RHBDD1: variants seen among roughly 807,000 people sequenced by gnomAD.
The protein encoded by RHBDD1 is rhomboid domain containing 1, also known as rhomboid-related protein 4.
In RHBDD1, 38 loss-of-function variants were observed where a neutral mutation model predicts 36.3. That is an observed-to-expected ratio of 1.05 (90% confidence interval 0.81 to 1.37). The LOEUF is 1.37. Ranked by LOEUF, RHBDD1 falls within the 40% of genes most tolerant of loss-of-function variation. The pLI is 0.00. For synonymous variants in RHBDD1, 151 were observed against 136.5 expected, an observed-to-expected ratio of 1.11 and a Z score of -0.74; for missense variants, 393 against 377.6, an observed-to-expected ratio of 1.04 and a Z score of -0.34.
intron 3 of RHBDD1, among the ~76,000 whole-genome samples, chr2:226,854,615 A>AG (rs1349710735): frequency 3.3e-5 from 5 of 151,764 alleles, no homozygotes; most frequent in South Asian, 2.1e-4. Context: ...AAAAAAAAAA[A>AG]AAAAGGCGCT....
chr2:226,864,893 G>T lies in RHBDD1; in HGVS notation c.200G>T (p.Arg67Leu). 6.2e-7 allele frequency: 1 copy of T among 1,614,158 alleles called. No individual in the cohort carries two copies. Among genetic ancestry groups the T allele is most frequent in the Non-Finnish European group, 8.5e-7 (1 of 1,180,030 alleles). The stretch of plus-strand genomic sequence containing the variant: ...TGTTACCAGCAAAAAGACTGGCAGC[G>T]TTTACTGCTCTCTCCCCTTCACCAT... ...EKCYQQKDWQ[R>L]LLLSPLHHAD... The change falls in exon 4 of 9, where the codon CGT (arginine) becomes CTT (leucine). Residue 67 changes from arginine to leucine, a missense_variant. Transcript: ENST00000392062.
intron 5 of RHBDD1, among the ~76,000 whole-genome samples, chr2:226,873,710 G>C (rs540958122): frequency 9.9e-5 from 15 of 152,260 alleles, no homozygotes; most frequent in Middle Eastern, 6.8e-3. Context: ...AATAGAAATT[G>C]GTAGTCAGAG....
At chr2:226,918,274 G>C (rs1414168338) in intron 8 of RHBDD1, among the ~76,000 whole-genome samples, 1 of 151,688 alleles carries the variant, frequency 6.6e-6, no homozygotes, top group African/African-American at 2.4e-5. Flanking sequence ...ATACATCAGG[G>C]TAAATGGAGT....
intron 8 of RHBDD1, among the ~76,000 whole-genome samples, chr2:226,960,344 T>C (rs538430065): frequency 8.5e-5 from 13 of 152,364 alleles, no homozygotes; most frequent in African/African-American, 3.1e-4. Flanking sequence ...CATCTTTTCT[T>C]GTGTTGATAA....
At chr2:226,800,615 G>T in the RHBDD1 span, among the ~76,000 whole-genome samples, 5 of 152,226 alleles carry the variant, frequency 3.3e-5, no homozygotes, top group African/African-American at 9.7e-5. Flanking sequence ...AAGGCTGAGG[G>T]CATGGGGGAG....
chr2:226,989,922 T>C (rs1008440148), intron 8 of RHBDD1, among the ~76,000 whole-genome samples: 4 of 152,206 alleles, frequency 2.6e-5, no homozygotes, highest in African/African-American at 9.7e-5. Flanking sequence ...ATTCCAGATA[T>C]TATTTCAGCA....
At chr2:226,841,218 G>A (rs990826869) in intron 3 of RHBDD1, among the ~76,000 whole-genome samples, 1 of 151,950 alleles carries the variant, frequency 6.6e-6, no homozygotes, top group African/African-American at 2.4e-5. Context: ...CTGCAGCCGG[G>A]ACCTCCTGGG....
At position 226,997,256 on chromosome 2, in the gene RHBDD1, A is replaced by C. The variant is rs1959611655; in HGVS notation, c.*1734A>C. On this transcript the variant is annotated 3_prime_UTR_variant, in exon 9 of 9. Coordinates refer to ENST00000392062, the MANE Select transcript of RHBDD1 (RefSeq NM_001167608.3). ...GAGTCTAGAAGCTTTAAATGTGTTT[A>C]AATTAAAATATTCAAGCTAAATGTT... 1 of 152,232 alleles carries C rather than the reference A, an allele frequency of 6.6e-6. No individual in the cohort carries two copies. The highest frequency in any genetic ancestry group is 2.4e-5 in the African/African-American group (1 of 41,456). The allele number at this position is 152,232 out of a possible 1,614,324, so 9.4% of individuals were successfully genotyped here.
chr2:226,805,387 A>G, the RHBDD1 span, among the ~76,000 whole-genome samples: 2 of 152,106 alleles, frequency 1.3e-5, no homozygotes, highest in African/African-American at 4.8e-5. Context: ...TAATTTTTGT[A>G]TTTTTAGTAG....
At chr2:226,877,958 T>C (rs1945387676) in intron 5 of RHBDD1, among the ~76,000 whole-genome samples, 1 of 151,656 alleles carries the variant, frequency 6.6e-6, no homozygotes, top group Admixed American at 6.5e-5. Flanking sequence ...TTAGTGTAAA[T>C]GTCAACATGG....
chr2:226,889,792 T>C (rs1946538410), intron 5 of RHBDD1, among the ~76,000 whole-genome samples: 1 of 152,220 alleles, frequency 6.6e-6, no homozygotes, highest in Non-Finnish European at 1.5e-5. Flanking sequence ...GTACTGGGAA[T>C]GGTTTCCTTA....
intron 8 of RHBDD1, among the ~76,000 whole-genome samples, chr2:226,987,969 G>C (rs1957374057): frequency 6.6e-6 from 1 of 152,150 alleles, no homozygotes. Flanking sequence ...GTTGCTGTTT[G>C]ATGGAAACTT....
chr2:226,937,812 C>T (rs4675126), intron 8 of RHBDD1, among the ~76,000 whole-genome samples: 69,890 of 152,004 alleles, frequency 0.46, 16,307 homozygotes, highest in African/African-American at 0.53. Flanking sequence ...ATGGTGTATA[C>T]GTACCACATT....
chr2:226,882,355 G>T (rs545367740), intron 5 of RHBDD1, among the ~76,000 whole-genome samples: 2 of 148,316 alleles, frequency 1.3e-5, no homozygotes, highest in African/African-American at 5.0e-5. Flanking sequence ...GCTTGAACCC[G>T]GTAGGTGGAG....
At position 226,864,746 on chromosome 2, in the gene RHBDD1, A is replaced by G; in HGVS notation, c.53A>G (p.Gln18Arg). Reference sequence around the variant, plus strand: ...ACTGGACTTATTCTACTCCTTTCTCAAATCTTCCATGTTGGGATCAACAAT... The same window carrying G: ...ACTGGACTTATTCTACTCCTTTCTCGAATCTTCCATGTTGGGATCAACAAT... Reference protein sequence around the residue: ...INTGLILLLSQIFHVGINNIP... With the variant: ...INTGLILLLSRIFHVGINNIP... Residue 18 changes from glutamine (Q) to arginine (R), a missense_variant, in exon 4 of 9, where the codon CAA becomes CGA. Transcript: ENST00000392062. The G allele has an allele frequency of 6.2e-7, 1 of 1,614,174 alleles. No homozygotes were observed. The highest frequency in any genetic ancestry group is 8.5e-7 in the Non-Finnish European group (1 of 1,180,032).
intron 8 of RHBDD1, among the ~76,000 whole-genome samples, chr2:226,928,466 G>A (rs1949811135): frequency 1.3e-5 from 2 of 151,972 alleles, no homozygotes; most frequent in Non-Finnish European, 2.9e-5. Flanking sequence ...TGATAATAGT[G>A]ACACAAGATA....
intron 5 of RHBDD1, chr2:226,895,853 C>T: frequency 1.0e-6 from 1 of 977,376 alleles, no homozygotes; most frequent in Non-Finnish European, 1.2e-6. Flanking sequence ...GAGAGAAGTA[C>T]TGTTCTTAAA....
chr2:226,936,011 C>T (rs1048365048), intron 8 of RHBDD1, among the ~76,000 whole-genome samples: 1 of 152,104 alleles, frequency 6.6e-6, no homozygotes, highest in East Asian at 1.9e-4. Flanking sequence ...AGATGTACGA[C>T]TAATTCTGTG....
upstream of RHBDD1, among the ~76,000 whole-genome samples, chr2:226,831,660 T>C (rs1056466306): frequency 6.6e-6 from 1 of 151,990 alleles, no homozygotes; most frequent in Admixed American, 6.5e-5. Context: ...CTCTAGAACA[T>C]GAGATAATAA....
Sources: allele counts gnomAD v4.1 joint callset (sites outside exome capture counted in the v4.1 genomes callset), GRCh38; gene constraint gnomAD v4.1.1; transcripts MANE v1.5; gene names NCBI Gene and HGNC (gene_info 2026-07-23, HGNC 2026-07-21).